The following KCNH5 variants were observed in gnomAD, a reference collection of about 807,000 sequenced individuals.
KCNH5 encodes potassium voltage-gated channel subfamily H member 5.
In KCNH5, 46 loss-of-function variants were observed where a neutral mutation model predicts 96.1. That is an observed-to-expected ratio of 0.48 (90% CI 0.38 to 0.61). The LOEUF (loss-of-function observed/expected upper bound fraction) is 0.61. Ranked by LOEUF, KCNH5 falls within the 20% of genes least tolerant of loss-of-function variation. The pLI is 0.00. For synonymous variants in KCNH5, 439 were observed against 449.8 expected (o/e 0.98, Z 0.30); for missense variants, 907 against 1,225.8 (o/e 0.74, Z 3.88).
intron 9 of KCNH5, among the ~76,000 whole-genome samples, chr14:62,796,014 C>A (rs766757610): frequency 2.0e-5 from 3 of 152,054 alleles, no homozygotes; most frequent in Non-Finnish European, 2.9e-5. Context: ...CAATTCAGTA[C>A]GGTGAGAATA....
At chr14:62,883,493 C>T (rs781313737) in intron 7 of KCNH5, among the ~76,000 whole-genome samples, 1 of 152,044 alleles carries the variant, frequency 6.6e-6, no homozygotes, top group East Asian at 1.9e-4. Flanking sequence ...TTCCAGGACA[C>T]TTTAAAATCA....
chr14:63,012,311 C>A (rs1891244598), intron 2 of KCNH5, among the ~76,000 whole-genome samples: 1 of 152,100 alleles, frequency 6.6e-6, no homozygotes, highest in Non-Finnish European at 1.5e-5. Context: ...ATTTGAAATT[C>A]CTAGGGATCC....
chr14:63,006,291 T>G, intron 3 of KCNH5, 75 bp downstream of exon 3: 1 of 865,018 alleles, frequency 1.2e-6, no homozygotes, highest in Non-Finnish European at 1.9e-6. Flanking sequence ...TCTCTACATT[T>G]TAGCTCCACT....
chr14:62,790,097 G>A (rs911757351), intron 9 of KCNH5, among the ~76,000 whole-genome samples: 1 of 149,826 alleles, frequency 6.7e-6, no homozygotes, highest in Non-Finnish European at 1.5e-5. Flanking sequence ...GGAAAATAAG[G>A]TCCTAATTTT....
At chr14:62,954,577 T>G (rs957849730) in intron 6 of KCNH5, among the ~76,000 whole-genome samples, 1 of 152,202 alleles carries the variant, frequency 6.6e-6, no homozygotes, top group Admixed American at 6.5e-5. Context: ...CAGTATAATG[T>G]AGAGAACAAA....
intron 10 of KCNH5, among the ~76,000 whole-genome samples, chr14:62,742,169 AAT>A (rs1462951242): frequency 6.6e-6 from 1 of 152,126 alleles, no homozygotes; most frequent in African/African-American, 2.4e-5. Flanking sequence ...AGCAAAAAAG[AAT>A]AGAGTGCTCT....
intron 1 of KCNH5, among the ~76,000 whole-genome samples, chr14:63,030,859 T>C (rs1348393932): frequency 1.3e-5 from 2 of 152,144 alleles, no homozygotes; most frequent in African/African-American, 4.8e-5. Context: ...AATACAGACA[T>C]AGAGGTAAGT....
rs142086244 is a variant in KCNH5 at position 62,719,165 on chromosome 14, T to C, written c.2020-10710A>G. 5.9e-3 allele frequency among the ~76,000 whole-genome samples: 893 copies of C among 152,328 alleles called. 5 individuals carry two copies. The highest frequency in any genetic ancestry group is 0.02 in the African/African-American group (846 of 41,574). On this transcript the variant is annotated intron_variant, in intron 10 of 10. Coordinates refer to ENST00000322893, the MANE Select transcript of KCNH5 (RefSeq NM_139318.5). ...CCAACTTTGTGAATACACTAAAAAATGCTAAATTGTATACTTAAAATATTG... is the reference window on the plus strand; with the variant it reads ...CCAACTTTGTGAATACACTAAAAAACGCTAAATTGTATACTTAAAATATTG...
chr14:62,830,751 C>T (rs1162693394), intron 8 of KCNH5, among the ~76,000 whole-genome samples: 1 of 152,026 alleles, frequency 6.6e-6, no homozygotes, highest in South Asian at 2.1e-4. Context: ...TGGTGATCCT[C>T]TGTGTGGCAG....
chr14:62,851,964 C>T (rs1451870031), intron 7 of KCNH5, among the ~76,000 whole-genome samples: 1 of 152,160 alleles, frequency 6.6e-6, no homozygotes. Flanking sequence ...GAAGAACCTG[C>T]TAATGTATTA....
chr14:62,779,696 C>T, intron 10 of KCNH5, 32 bp downstream of exon 10: 1 of 1,564,616 alleles, frequency 6.4e-7, no homozygotes, highest in Non-Finnish European at 8.7e-7. Flanking sequence ...ACTCTGGACA[C>T]TAATAAGAAA....
intron 6 of KCNH5, among the ~76,000 whole-genome samples, 170 bp downstream of exon 6, chr14:62,980,702 A>G (rs1375054954): frequency 1.3e-5 from 2 of 152,222 alleles, no homozygotes; most frequent in Non-Finnish European, 2.9e-5. Flanking sequence ...GAGAAGAAAC[A>G]GATGAAAACT....
intron 1 of KCNH5, among the ~76,000 whole-genome samples, chr14:63,041,958 T>C (rs1012477307): frequency 2.6e-5 from 4 of 152,246 alleles, no homozygotes; most frequent in Non-Finnish European, 5.9e-5. Flanking sequence ...ATAAAATTGA[T>C]ATTCAAATAT....
chr14:62,908,320 G>A (rs771472109), intron 7 of KCNH5, among the ~76,000 whole-genome samples: 1 of 152,156 alleles, frequency 6.6e-6, no homozygotes, highest in African/African-American at 2.4e-5. Flanking sequence ...GAGCAGAGAT[G>A]AGCACAGACA....
intron 6 of KCNH5, among the ~76,000 whole-genome samples, chr14:62,956,726 G>A (rs1012455146): frequency 1.3e-5 from 2 of 151,942 alleles, no homozygotes; most frequent in Admixed American, 6.6e-5. Context: ...ATTGGGCCAC[G>A]AATTGCATTT....
chr14:62,982,259 G>A (rs1890623869), intron 5 of KCNH5, among the ~76,000 whole-genome samples: 1 of 152,144 alleles, frequency 6.6e-6, no homozygotes, highest in Non-Finnish European at 1.5e-5. Flanking sequence ...AATGCAGGAG[G>A]CAGAGGTTGC....
intron 8 of KCNH5, among the ~76,000 whole-genome samples, chr14:62,828,448 T>G (rs921584515): frequency 6.6e-6 from 1 of 152,168 alleles, no homozygotes; most frequent in Non-Finnish European, 1.5e-5. Context: ...TTTAATTGAT[T>G]CACAGTTGCA....
intron 8 of KCNH5, among the ~76,000 whole-genome samples, chr14:62,817,963 A>G (rs1049260218): frequency 8.0e-5 from 12 of 150,408 alleles, no homozygotes; most frequent in African/African-American, 2.9e-4. Flanking sequence ...ATTTGTGAAA[A>G]CGTAGAATGA....
At chr14:62,900,763 C>T (rs965924824) in intron 7 of KCNH5, among the ~76,000 whole-genome samples, 1 of 151,428 alleles carries the variant, frequency 6.6e-6, no homozygotes, top group Admixed American at 6.6e-5. Flanking sequence ...TGAGGAGGGT[C>T]AACAAAACTA....
Sources: allele counts gnomAD v4.1 joint callset (sites outside exome capture counted in the v4.1 genomes callset), GRCh38; gene constraint gnomAD v4.1.1; transcripts MANE v1.5; gene names NCBI Gene and HGNC (gene_info 2026-07-23, HGNC 2026-07-21).